Variants in CTNND2 observed in about 807,000 individuals in gnomAD.
CTNND2 encodes the protein catenin delta 2, also known as catenin delta-2.
Under a neutral mutation model 144.4 loss-of-function variants are expected in CTNND2, and 22 were observed. The observed-to-expected ratio is 0.15, with a 90% CI of 0.11 to 0.22. The LOEUF is 0.22. Ranked by LOEUF, CTNND2 falls within the 10% of genes least tolerant of loss-of-function variation. The probability of loss-of-function intolerance (pLI) is 1.00; values close to 1 mark genes in which losing one functional copy is unlikely to be tolerated. For synonymous variants in CTNND2, 751 were observed against 695.6 expected (o/e 1.08, Z -1.25); for missense variants, 1,353 against 1,618.8 (o/e 0.84, Z 2.82).
chr5:11,085,467 C>T (rs188889639), intron 15 of CTNND2, among the ~76,000 whole-genome samples: 56 of 152,260 alleles, frequency 3.7e-4, no homozygotes, highest in Non-Finnish European at 5.1e-4. Flanking sequence ...TGGAATTTCT[C>T]GCTTGTGTCA....
chr5:11,444,098 G>C (rs188221768), intron 3 of CTNND2, among the ~76,000 whole-genome samples: 1 of 152,284 alleles, frequency 6.6e-6, no homozygotes, highest in Non-Finnish European at 1.5e-5. Flanking sequence ...CCTCGGCATT[G>C]ACTTAATGCC....
chr5:11,357,923 AAT>A (rs1756060620), intron 8 of CTNND2, among the ~76,000 whole-genome samples: 1 of 152,128 alleles, frequency 6.6e-6, no homozygotes, highest in Non-Finnish European at 1.5e-5. Flanking sequence ...TTGAGGGCAG[AAT>A]CTGCTAATGT....
chr5:11,533,357 G>A (rs1372744410), intron 3 of CTNND2, among the ~76,000 whole-genome samples: 1 of 152,162 alleles, frequency 6.6e-6, no homozygotes, highest in African/African-American at 2.4e-5. Context: ...AGTGCTAAGG[G>A]GACATCATCT....
At chr5:11,783,589 T>A (rs560506702) in intron 1 of CTNND2, among the ~76,000 whole-genome samples, 15 of 152,224 alleles carry the variant, frequency 9.9e-5, no homozygotes, top group African/African-American at 3.1e-4. Flanking sequence ...GCAGATGACA[T>A]AACTGCAGGT....
chr5:11,265,148 A>C (rs779508540), intron 9 of CTNND2, among the ~76,000 whole-genome samples: 49 of 152,358 alleles, frequency 3.2e-4, no homozygotes, highest in South Asian at 1.0e-3. Context: ...ATTGTATTAA[A>C]TCAAAAAAAC....
intron 1 of CTNND2, among the ~76,000 whole-genome samples, chr5:11,856,589 C>A (rs1158943078): frequency 6.6e-6 from 1 of 152,004 alleles, no homozygotes; most frequent in Non-Finnish European, 1.5e-5. Flanking sequence ...GTAAAAAGTG[C>A]AAAACAGAGG....
intron 3 of CTNND2, among the ~76,000 whole-genome samples, chr5:11,475,289 G>C (rs917351199): frequency 6.6e-6 from 1 of 152,168 alleles, no homozygotes; most frequent in African/African-American, 2.4e-5. Flanking sequence ...AGGTTGCTAG[G>C]AATTTAATTC....
intron 9 of CTNND2, among the ~76,000 whole-genome samples, chr5:11,290,141 A>G (rs1007746422): frequency 6.6e-6 from 1 of 152,186 alleles, no homozygotes; most frequent in African/African-American, 2.4e-5. Flanking sequence ...CAGCATTTTT[A>G]CATGGTTTTA....
chr5:11,018,798 C>T (rs1390599543), intron 17 of CTNND2, among the ~76,000 whole-genome samples: 3 of 151,016 alleles, frequency 2.0e-5, no homozygotes, highest in East Asian at 3.9e-4. Flanking sequence ...GCAACCTCTG[C>T]CTCGCGGGTT....
intron 2 of CTNND2, among the ~76,000 whole-genome samples, chr5:11,685,788 G>T (rs1200586520): frequency 6.6e-6 from 1 of 152,164 alleles, no homozygotes; most frequent in African/African-American, 2.4e-5. Context: ...GTAAACCTAT[G>T]TGAGAATTAT....
intron 20 of CTNND2, chr5:10,986,662 T>C: frequency 2.2e-6 from 1 of 456,178 alleles, no homozygotes; most frequent in Non-Finnish European, 4.4e-6. Flanking sequence ...ATGAGTTAGG[T>C]TCTCCCGTTC....
chr5:11,844,166 C>G (rs766743127), intron 1 of CTNND2, among the ~76,000 whole-genome samples: 1 of 152,142 alleles, frequency 6.6e-6, no homozygotes, highest in Non-Finnish European at 1.5e-5. Context: ...AATCACTTCC[C>G]ATTTAACTAA....
chr5:11,804,080 G>A (rs1348312558), intron 1 of CTNND2, among the ~76,000 whole-genome samples: 2 of 152,104 alleles, frequency 1.3e-5, no homozygotes, highest in East Asian at 1.9e-4. Flanking sequence ...GGACTTCTAG[G>A]CAGATGCACT....
At chr5:11,454,826 T>C (rs1468790055) in intron 3 of CTNND2, among the ~76,000 whole-genome samples, 1 of 151,908 alleles carries the variant, frequency 6.6e-6, no homozygotes, top group East Asian at 1.9e-4. Flanking sequence ...GGTCTCGAAT[T>C]CCTGAGCTCA....
At position 11,627,616 on chromosome 5, in the gene CTNND2, G is replaced by C. The variant is rs559313965; in HGVS notation, c.175-62560C>G. Among the ~76,000 whole-genome samples, 10 of 152,014 alleles carry C rather than the reference G, an allele frequency of 6.6e-5. No individual in the cohort carries two copies. The East Asian group carries it at 1.9e-3, about 29-fold the overall frequency. ...TAGTATTTGCTATTTCAAATGATGA[G>C]GAGTACCCTTACAGCAGTGGTCCCC... is the stretch of plus-strand genomic sequence containing the variant. On this transcript the variant is annotated intron_variant, in intron 2 of 21. Transcript: ENST00000304623.
chr5:11,408,987 A>G lies in CTNND2; in HGVS notation c.439+2549T>C, dbSNP rs146012568. On this transcript the variant is annotated intron_variant, in intron 5 of 21. Transcript: ENST00000304623. ...GTATGCATCTTACTAGTTTCTTGCT[A>G]TTTATTTACCTCTTTTAAGATTTTC... Among the ~76,000 whole-genome samples the G allele has an allele frequency of 3.0e-3, 457 of 152,038 alleles. 3 individuals carry two copies. The highest frequency in any genetic ancestry group is 5.2e-3 in the Non-Finnish European group (352 of 67,868).
intron 1 of CTNND2, among the ~76,000 whole-genome samples, chr5:11,867,605 G>C (rs1479567814): frequency 6.6e-6 from 1 of 151,798 alleles, no homozygotes; most frequent in East Asian, 1.9e-4. Context: ...AGACCCACCA[G>C]TTTTGCCATT....
chr5:11,701,315 G>C (rs1026591908), intron 2 of CTNND2, among the ~76,000 whole-genome samples: 1 of 152,164 alleles, frequency 6.6e-6, no homozygotes, highest in Non-Finnish European at 1.5e-5. Flanking sequence ...GGATGTCACA[G>C]ATAATGGCTG....
intron 1 of CTNND2, among the ~76,000 whole-genome samples, chr5:11,776,653 T>G (rs1335376585): frequency 1.3e-5 from 2 of 152,184 alleles, no homozygotes; most frequent in Non-Finnish European, 2.9e-5. Context: ...AAAGAGCTGA[T>G]AAGCGACTGA....
Sources: gnomAD v4.1 joint callset for allele counts (sites outside exome capture counted in the v4.1 genomes callset) on GRCh38, gnomAD v4.1.1 for gene constraint, MANE v1.5 for transcripts, NCBI Gene and HGNC (gene_info 2026-07-23, HGNC 2026-07-21) for gene names.